The following SLC22A3 variants were observed in gnomAD, a reference collection of about 807,000 sequenced individuals.
SLC22A3 encodes the protein EMT organic cation transporter 3.
In SLC22A3, 51 loss-of-function variants were observed where a neutral mutation model predicts 59.1. The observed-to-expected ratio is 0.86, with a 90% CI of 0.69 to 1.09. SLC22A3 has a LOEUF of 1.09. Among genes scored for constraint, SLC22A3 ranks in the 50% least tolerant of loss-of-function variants. The pLI, the probability that SLC22A3 is intolerant of heterozygous loss-of-function variation, is 0.00. For missense variants in SLC22A3, 711 were observed against 726.3 expected (o/e 0.98, Z 0.24); for synonymous variants, 325 against 292.0 (o/e 1.11, Z -1.15).
chr6:160,403,629 G>C (rs889931295), intron 2 of SLC22A3, among the ~76,000 whole-genome samples: 1 of 151,762 alleles, frequency 6.6e-6, no homozygotes, highest in South Asian at 2.1e-4. Flanking sequence ...ATGAACATAA[G>C]TGCAAAAATC....
chr6:160,382,491 G>A (rs770325099), intron 1 of SLC22A3, among the ~76,000 whole-genome samples: 2 of 152,324 alleles, frequency 1.3e-5, no homozygotes, highest in African/African-American at 2.4e-5. Flanking sequence ...AGAGCTTGTA[G>A]TTTGAGTCCA....
chr6:160,356,689 T>G (rs531344141), intron 1 of SLC22A3, among the ~76,000 whole-genome samples: 1 of 152,204 alleles, frequency 6.6e-6, no homozygotes, highest in African/African-American at 2.4e-5. Context: ...TCTGCCTCGG[T>G]TTTTTCCCCA....
intron 1 of SLC22A3, among the ~76,000 whole-genome samples, chr6:160,382,438 A>G (rs1464421887): frequency 2.0e-5 from 3 of 152,228 alleles, no homozygotes; most frequent in Non-Finnish European, 4.4e-5. Context: ...GCAGAAGCTG[A>G]AAAATTTAGG....
At chr6:160,400,635 C>T (rs970166402) in intron 2 of SLC22A3, among the ~76,000 whole-genome samples, 3 of 140,068 alleles carry the variant, frequency 2.1e-5, no homozygotes, top group African/African-American at 8.3e-5. Flanking sequence ...GAAAAAATTA[C>T]AAGACATACT....
intron 1 of SLC22A3, among the ~76,000 whole-genome samples, chr6:160,369,292 A>T (rs1785312976): frequency 6.6e-6 from 1 of 152,232 alleles, no homozygotes; most frequent in Non-Finnish European, 1.5e-5. Flanking sequence ...TCTAAAATGG[A>T]TATCATACAA....
At chr6:160,431,417 A>C (rs976724522) in intron 5 of SLC22A3, among the ~76,000 whole-genome samples, 1 of 152,142 alleles carries the variant, frequency 6.6e-6, no homozygotes, top group African/African-American at 2.4e-5. Flanking sequence ...GTCACTGTGG[A>C]GATGTTAGTA....
At chr6:160,354,478 G>A (rs695174) in intron 1 of SLC22A3, among the ~76,000 whole-genome samples, 76,061 of 151,862 alleles carry the variant, frequency 0.5, 19,368 homozygotes, top group African/African-American at 0.59. Flanking sequence ...ATTTGACCCT[G>A]GAGCTGTAAG....
intron 5 of SLC22A3, among the ~76,000 whole-genome samples, chr6:160,411,282 C>A (rs1787238315): frequency 6.6e-6 from 1 of 151,960 alleles, no homozygotes; most frequent in African/African-American, 2.4e-5. Flanking sequence ...AAGTTTGGCC[C>A]TGAAAAAAAA....
At chr6:160,391,815 G>T (rs1020067562) in intron 1 of SLC22A3, among the ~76,000 whole-genome samples, 2 of 152,162 alleles carry the variant, frequency 1.3e-5, no homozygotes, top group Non-Finnish European at 2.9e-5. Flanking sequence ...AAGGGCAGAA[G>T]TTAATAAATG....
intron 1 of SLC22A3, among the ~76,000 whole-genome samples, chr6:160,390,406 T>C (rs989433602): frequency 2.2e-4 from 33 of 152,226 alleles, no homozygotes; most frequent in African/African-American, 7.2e-4. Context: ...AATATCTGTG[T>C]CTCAGAACAG....
At chr6:160,387,787 G>A (rs1292734190) in intron 1 of SLC22A3, among the ~76,000 whole-genome samples, 1 of 152,116 alleles carries the variant, frequency 6.6e-6, no homozygotes, top group Non-Finnish European at 1.5e-5. Context: ...CCAGAAATGT[G>A]CTCAGTTAAT....
chr6:160,395,506 T>A (rs1439946997), intron 1 of SLC22A3, among the ~76,000 whole-genome samples: 2 of 152,256 alleles, frequency 1.3e-5, no homozygotes, highest in African/African-American at 4.8e-5. Context: ...TTGATTTCGC[T>A]GTTTGCTTTC....
intron 1 of SLC22A3, among the ~76,000 whole-genome samples, chr6:160,377,304 G>A (rs1051180408): frequency 1.3e-5 from 2 of 152,062 alleles, no homozygotes; most frequent in Admixed American, 1.3e-4. Context: ...GGCCAATATA[G>A]TGAAACCCCA....
At chr6:160,423,662 C>T (rs1311277559) in intron 5 of SLC22A3, among the ~76,000 whole-genome samples, 1 of 152,206 alleles carries the variant, frequency 6.6e-6, no homozygotes, top group Non-Finnish European at 1.5e-5. Flanking sequence ...CCTTCACCCA[C>T]TTTTTGATGG....
intron 1 of SLC22A3, among the ~76,000 whole-genome samples, chr6:160,369,650 A>C (rs183633151): frequency 2.7e-4 from 41 of 152,344 alleles, no homozygotes; most frequent in Admixed American, 9.8e-4. Flanking sequence ...AACAAATATA[A>C]CACATGTACC....
At chr6:160,370,461 CAG>C (rs1161727574) in intron 1 of SLC22A3, among the ~76,000 whole-genome samples, 2 of 152,166 alleles carry the variant, frequency 1.3e-5, no homozygotes, top group Non-Finnish European at 2.9e-5. Context: ...AAAGTAATCA[CAG>C]AGAGTCATGA....
chr6:160,397,208 G>T (rs1315094585), intron 1 of SLC22A3, among the ~76,000 whole-genome samples: 1 of 152,134 alleles, frequency 6.6e-6, no homozygotes, highest in African/African-American at 2.4e-5. Flanking sequence ...GCATTAGTTA[G>T]ATTCTCATAA....
intron 5 of SLC22A3, among the ~76,000 whole-genome samples, chr6:160,430,375 G>A (rs1431989111): frequency 6.6e-6 from 1 of 152,108 alleles, no homozygotes; most frequent in East Asian, 1.9e-4. Flanking sequence ...CCCGAGACCA[G>A]TCCTCCACGT....
At chr6:160,418,046 G>A (rs1787574922) in intron 5 of SLC22A3, among the ~76,000 whole-genome samples, 1 of 152,126 alleles carries the variant, frequency 6.6e-6, no homozygotes, top group Non-Finnish European at 1.5e-5. Flanking sequence ...CAACTTGATT[G>A]GATTGAAGGA....
Sources: gnomAD v4.1 joint callset for allele counts (sites outside exome capture counted in the v4.1 genomes callset) on GRCh38, gnomAD v4.1.1 for gene constraint, MANE v1.5 for transcripts, NCBI Gene and HGNC (gene_info 2026-07-23, HGNC 2026-07-21) for gene names.